Variants in THSD7A observed in about 807,000 individuals in gnomAD.
The protein encoded by THSD7A is thrombospondin type-1 domain-containing protein 7A.
In THSD7A, 96 loss-of-function variants were observed where a neutral mutation model predicts 231.3. The observed-to-expected ratio is 0.41, with a 90% CI of 0.35 to 0.49. The LOEUF (loss-of-function observed/expected upper bound fraction) is 0.49. Among genes scored for constraint, THSD7A ranks in the 20% least tolerant of loss-of-function variants. THSD7A has a pLI of 0.05. For missense variants in THSD7A, 2,290 were observed against 2,070.2 expected, an observed-to-expected ratio of 1.11 and a Z score of -2.06; for synonymous variants, 940 against 743.3, an observed-to-expected ratio of 1.26 and a Z score of -4.30.
At chr7:11,473,713 C>T (rs1232946096) in intron 8 of THSD7A, among the ~76,000 whole-genome samples, 1 of 152,044 alleles carries the variant, frequency 6.6e-6, no homozygotes, top group Non-Finnish European at 1.5e-5. Flanking sequence ...TTGTTCTCCC[C>T]TCCAGCAAAG....
intron 1 of THSD7A, among the ~76,000 whole-genome samples, chr7:11,659,993 C>T (rs149315287): frequency 2.0e-4 from 31 of 151,512 alleles, no homozygotes; most frequent in Middle Eastern, 3.4e-3. Flanking sequence ...TTCTTACAGA[C>T]CTCCAAGGTA....
intron 1 of THSD7A, among the ~76,000 whole-genome samples, chr7:11,787,415 T>G (rs1440129465): frequency 6.6e-6 from 1 of 151,990 alleles, no homozygotes; most frequent in Non-Finnish European, 1.5e-5. Context: ...TAAACTGGAT[T>G]TCATTAAAAT....
rs766144764 is a variant in THSD7A at position 11,593,285 on chromosome 7, A to G, written c.1240T>C (p.Ser414Pro). The change falls in exon 3 of 28, where the codon TCT becomes CCT. Residue 414 changes from serine (S) to proline (P), a missense_variant. Coordinates refer to ENST00000423059, the MANE Select transcript of THSD7A (RefSeq NM_015204.3). The stretch of plus-strand genomic sequence containing the variant: ...CAGGGGACAACTCCATCTCCTTGAG[A>G]CAAACAGGGTTCTTTTTCTTCAAAT... ...PEFEEKEPCL[S>P]QGDGVVPCAT... is the part of the protein sequence containing the mutation. 1.9e-6 allele frequency: 3 copies of G among 1,613,974 alleles called. No homozygotes were observed. The highest frequency in any genetic ancestry group is 1.1e-5 in the South Asian group (1 of 91,082).
chr7:11,697,973 G>C (rs531779221), intron 1 of THSD7A, among the ~76,000 whole-genome samples: 1 of 151,446 alleles, frequency 6.6e-6, no homozygotes, highest in East Asian at 2.0e-4. Context: ...CTATATGTTA[G>C]TCATACGAAT....
chr7:11,794,224 A>G (rs1045461216), intron 1 of THSD7A, among the ~76,000 whole-genome samples: 3 of 151,986 alleles, frequency 2.0e-5, no homozygotes, highest in Admixed American at 6.6e-5. Flanking sequence ...TTTGTCTTCA[A>G]TATAACACTA....
chr7:11,410,129 T>C (rs1783729980), intron 19 of THSD7A, among the ~76,000 whole-genome samples: 1 of 152,234 alleles, frequency 6.6e-6, no homozygotes, highest in Non-Finnish European at 1.5e-5. Context: ...AATTTCTAAT[T>C]ATTCAAGTTT....
At chr7:11,509,967 G>C (rs1357214675) in intron 6 of THSD7A, among the ~76,000 whole-genome samples, 1 of 151,920 alleles carries the variant, frequency 6.6e-6, no homozygotes, top group African/African-American at 2.4e-5. Context: ...TAATTACTCT[G>C]ATTTGATCAT....
chr7:11,685,583 A>G (rs1306569005), intron 1 of THSD7A, among the ~76,000 whole-genome samples: 1 of 151,990 alleles, frequency 6.6e-6, no homozygotes, highest in African/African-American at 2.4e-5. Flanking sequence ...CACTTCCTAA[A>G]AGAAGATACA....
Position 11,636,837 on chromosome 7 carries a change from G to A in THSD7A, c.315C>T (p.Pro105=), listed in dbSNP as rs769011467. The A allele has an allele frequency of 1.9e-5, 31 of 1,613,902 alleles. No individual in the cohort carries two copies. Among genetic ancestry groups the A allele is most frequent in the Admixed American group, 3.3e-5 (2 of 60,008 alleles). The change falls in exon 2 of 28, where the codon CCC becomes CCT. Residue 105 remains proline, a synonymous_variant. Coordinates refer to ENST00000423059, the MANE Select transcript of THSD7A (RefSeq NM_015204.3). This position sits in a 1 kb window ranked among gnomAD's most constrained non-coding sequence, Gnocchi z 10.0. The part of the protein sequence containing the change: ...LHTNCKQAER[P]NNQQNCFKVC... ...CTTTGAAACAATTCTGCTGGTTATT[G>A]GGTCTCTCGGCCTGCTTACAGTTAG...
rs111805500 is a variant in THSD7A, at chr7:11,576,786, T to C, written c.1453+13674A>G. On this transcript the variant is annotated intron_variant, in intron 4 of 27. Coordinates refer to ENST00000423059, the MANE Select transcript of THSD7A (RefSeq NM_015204.3). ...TGGCTCCTATAAAGGGCTTACATTA[T>C]ACTTTTCCCTTCAATTTTCTTTTAT... is the stretch of plus-strand genomic sequence containing the variant. 2.2e-3 allele frequency among the ~76,000 whole-genome samples: 331 copies of C among 152,344 alleles called. 1 individual carries two copies. Among genetic ancestry groups the C allele is most frequent in the African/African-American group, 7.4e-3 (307 of 41,592 alleles).
chr7:11,724,925 C>T (rs540443245), intron 1 of THSD7A, among the ~76,000 whole-genome samples: 4 of 151,250 alleles, frequency 2.6e-5, no homozygotes, highest in Non-Finnish European at 5.9e-5. Context: ...CTAACCTCAT[C>T]TCTTCTTCTT....
Position 11,431,754 on chromosome 7 carries a change from G to T in THSD7A, c.3065-2629C>A, listed in dbSNP as rs182838600. ...TGCAGCTAGGATTTTGATAGGAATT[G>T]TGTCAAATTTGTTGATCAACTTGGA... On this transcript the variant is annotated intron_variant, in intron 13 of 27. Coordinates refer to ENST00000423059, the MANE Select transcript of THSD7A (RefSeq NM_015204.3). Among the ~76,000 whole-genome samples the T allele has an allele frequency of 6.3e-4, 96 of 152,170 alleles. 1 individual carries two copies. Among genetic ancestry groups the T allele is most frequent in the African/African-American group, 2.3e-3 (94 of 41,544 alleles).
chr7:11,442,211 C>G (rs924887414), intron 13 of THSD7A, among the ~76,000 whole-genome samples: 2 of 151,926 alleles, frequency 1.3e-5, no homozygotes, highest in Non-Finnish European at 2.9e-5. Context: ...TTTGGCAATG[C>G]AGTTATATCA....
chr7:11,500,931 C>CT (rs1304053915), intron 6 of THSD7A, among the ~76,000 whole-genome samples: 10 of 136,910 alleles, frequency 7.3e-5, no homozygotes, highest in African/African-American at 2.7e-4. Context: ...GAAACTCTGT[C>CT]TCAAAAAAAG....
intron 4 of THSD7A, among the ~76,000 whole-genome samples, chr7:11,574,020 T>C (rs1479820504): frequency 6.6e-6 from 1 of 152,150 alleles, no homozygotes; most frequent in Non-Finnish European, 1.5e-5. Flanking sequence ...TAAGAGCATA[T>C]GAAGGAAAAA....
intron 6 of THSD7A, among the ~76,000 whole-genome samples, chr7:11,538,982 G>C (rs900934128): frequency 6.6e-6 from 1 of 152,158 alleles, no homozygotes; most frequent in African/African-American, 2.4e-5. Flanking sequence ...GAGCAAAAAA[G>C]TCTTTTTATT....
intron 6 of THSD7A, among the ~76,000 whole-genome samples, chr7:11,504,112 T>C (rs982595464): frequency 1.4e-4 from 21 of 152,124 alleles, no homozygotes; most frequent in Admixed American, 1.4e-3. Flanking sequence ...ATATATACCA[T>C]GGAATATTAT....
At chr7:11,671,625 A>G (rs1783399258) in intron 1 of THSD7A, among the ~76,000 whole-genome samples, 2 of 152,110 alleles carry the variant, frequency 1.3e-5, no homozygotes, top group Non-Finnish European at 2.9e-5. Flanking sequence ...CTAATTTGAG[A>G]TGTTAGCTTT....
At chr7:11,602,518 A>G in intron 2 of THSD7A, among the ~76,000 whole-genome samples, 1 of 152,106 alleles carries the variant, frequency 6.6e-6, no homozygotes, top group Admixed American at 6.6e-5. Context: ...CAAATTACGT[A>G]TTAGAATTTG....
Sources: gnomAD v4.1 joint callset for allele counts (sites outside exome capture counted in the v4.1 genomes callset) on GRCh38, gnomAD v4.1.1 for gene constraint, Gnocchi (gnomAD v3.1) non-coding constraint, MANE v1.5 for transcripts, NCBI Gene and HGNC (gene_info 2026-07-23, HGNC 2026-07-21) for gene names.